The following CAMK1D variants were observed in gnomAD, a reference collection of about 807,000 sequenced individuals.
The protein encoded by CAMK1D is calcium/calmodulin dependent protein kinase ID, also known as calcium/calmodulin-dependent protein kinase type 1D.
In CAMK1D, 9 loss-of-function variants were observed where a neutral mutation model predicts 47.7. The ratio of observed to expected loss-of-function variants is 0.19; its 90% CI spans 0.11 to 0.33. The LOEUF (loss-of-function observed/expected upper bound fraction) is 0.33. Among genes scored for constraint, CAMK1D ranks in the 10% least tolerant of loss-of-function variants. The pLI, the probability that CAMK1D is intolerant of heterozygous loss-of-function variation, is 1.00. For missense variants in CAMK1D, 291 were observed against 488.7 expected, an observed-to-expected ratio of 0.60 and a Z score of 3.81; for synonymous variants, 184 against 184.9, an observed-to-expected ratio of 0.99 and a Z score of 0.04.
In CAMK1D at chr10:12,732,402, A is replaced by G. The variant is rs146828379; in HGVS notation, c.300-28546A>G. Among the ~76,000 whole-genome samples, 77 of 152,264 alleles carry G rather than the reference A, an allele frequency of 5.1e-4. No homozygotes were observed. The East Asian group carries it at 0.014, about 27-fold the overall frequency. On this transcript the variant is annotated intron_variant, in intron 3 of 10. Transcript: ENST00000619168. Reference sequence around the variant, plus strand: ...GAAAAATAAGGGACATGATCTGTGTATTATTAGTCCATTTTCACGCTGCTG... The same window carrying G: ...GAAAAATAAGGGACATGATCTGTGTGTTATTAGTCCATTTTCACGCTGCTG...
intron 1 of CAMK1D, among the ~76,000 whole-genome samples, chr10:12,376,776 CAG>C: frequency 6.7e-6 from 1 of 148,224 alleles, no homozygotes; most frequent in South Asian, 2.1e-4. Context: ...TTTTTTGAGA[CAG>C]AGTCTTGCTC....
intron 3 of CAMK1D, among the ~76,000 whole-genome samples, chr10:12,699,296 G>C (rs146930105): frequency 6.6e-6 from 1 of 152,110 alleles, no homozygotes; most frequent in Non-Finnish European, 1.5e-5. Context: ...GCTGTTGACC[G>C]GTCTGCTTTT....
At chr10:12,662,637 G>A (rs1188555233) in intron 2 of CAMK1D, among the ~76,000 whole-genome samples, 1 of 116,166 alleles carries the variant, frequency 8.6e-6, no homozygotes, top group African/African-American at 3.0e-5. Flanking sequence ...CGGAGACAGA[G>A]CAACACTCTG....
chr10:12,390,699 G>A (rs898066271), intron 1 of CAMK1D, among the ~76,000 whole-genome samples: 60 of 152,268 alleles, frequency 3.9e-4, no homozygotes, highest in African/African-American at 1.4e-3. Context: ...GTCATGTCAC[G>A]TGGGAGCAGA....
intron 1 of CAMK1D, among the ~76,000 whole-genome samples, chr10:12,511,834 G>A (rs1477690786): frequency 2.0e-5 from 3 of 152,330 alleles, no homozygotes; most frequent in South Asian, 2.1e-4. Context: ...TGATCATGAC[G>A]ATGAATGTAT....
intron 2 of CAMK1D, among the ~76,000 whole-genome samples, chr10:12,648,667 C>T (rs530637472): frequency 2.0e-5 from 3 of 152,164 alleles, no homozygotes; most frequent in East Asian, 1.9e-4. Context: ...GGTGGGGTTT[C>T]GCTATCTTGG....
chr10:12,618,725 AAG>A (rs1296819152), intron 2 of CAMK1D, among the ~76,000 whole-genome samples: 3 of 152,208 alleles, frequency 2.0e-5, no homozygotes, highest in Admixed American at 1.3e-4. Context: ...GGGAAAAAAA[AAG>A]AGACTCTTCT....
chr10:12,619,205 A>G (rs905576638), intron 2 of CAMK1D, among the ~76,000 whole-genome samples: 3 of 152,206 alleles, frequency 2.0e-5, no homozygotes, highest in Non-Finnish European at 1.5e-5. Context: ...CAGTAATCCC[A>G]TAAAGCTGGC....
At chr10:12,822,260 G>C (rs1833042083) in intron 8 of CAMK1D, among the ~76,000 whole-genome samples, 1 of 152,176 alleles carries the variant, frequency 6.6e-6, no homozygotes, top group Non-Finnish European at 1.5e-5. Context: ...TACTTGGGGA[G>C]GGCCACGGTG....
chr10:12,695,216 A>G (rs1833235907), intron 3 of CAMK1D, among the ~76,000 whole-genome samples: 1 of 152,224 alleles, frequency 6.6e-6, no homozygotes, highest in African/African-American at 2.4e-5. Flanking sequence ...AGATCCCATT[A>G]AAGTACATGG....
chr10:12,449,903 G>A (rs1186090068), intron 1 of CAMK1D, among the ~76,000 whole-genome samples: 1 of 152,166 alleles, frequency 6.6e-6, no homozygotes, highest in African/African-American at 2.4e-5. Flanking sequence ...GGAGGCTGAG[G>A]TGGGAGAATC....
chr10:12,506,594 C>T (rs987070852), intron 1 of CAMK1D, among the ~76,000 whole-genome samples: 10 of 152,116 alleles, frequency 6.6e-5, no homozygotes, highest in Admixed American at 2.6e-4. Context: ...TCTCAGCTCA[C>T]TGCAGTCTCC....
At chr10:12,436,517 C>T (rs1227753938) in intron 1 of CAMK1D, among the ~76,000 whole-genome samples, 6 of 152,226 alleles carry the variant, frequency 3.9e-5, no homozygotes, top group African/African-American at 1.4e-4. Context: ...CTTTTGACTT[C>T]TGTGGGGTTT....
At chr10:12,782,972 G>A (rs954421620) in intron 5 of CAMK1D, among the ~76,000 whole-genome samples, 1 of 149,688 alleles carries the variant, frequency 6.7e-6, no homozygotes, top group East Asian at 2.0e-4. Context: ...AGTAAATTCA[G>A]TATTTTCAGT....
At chr10:12,361,220 A>G (rs550377475) in intron 1 of CAMK1D, among the ~76,000 whole-genome samples, 2 of 149,420 alleles carry the variant, frequency 1.3e-5, no homozygotes, top group East Asian at 2.0e-4. Flanking sequence ...TGACAAATGG[A>G]TATAATAACA....
chr10:12,639,301 A>G (rs1022894850), intron 2 of CAMK1D, among the ~76,000 whole-genome samples: 7 of 152,244 alleles, frequency 4.6e-5, no homozygotes, highest in African/African-American at 1.7e-4. Context: ...CCTGATCAAC[A>G]TGGTGAAACC....
chr10:12,553,093 A>G, intron 1 of CAMK1D, 132 bp from the exon 2 acceptor site: 2 of 1,519,464 alleles, frequency 1.3e-6, no homozygotes, highest in Non-Finnish European at 8.8e-7. Flanking sequence ...GCCACGGTGG[A>G]TAAAAGTAAC....
At chr10:12,498,017 T>G (rs1834593389) in intron 1 of CAMK1D, among the ~76,000 whole-genome samples, 1 of 152,190 alleles carries the variant, frequency 6.6e-6, no homozygotes, top group Non-Finnish European at 1.5e-5. Flanking sequence ...CTGCCCTGTA[T>G]AAAACCATCA....
At chr10:12,676,046 G>A (rs375093286) in intron 3 of CAMK1D, among the ~76,000 whole-genome samples, 41 of 152,090 alleles carry the variant, frequency 2.7e-4, no homozygotes, top group East Asian at 1.7e-3. Context: ...TCTGCCTCCC[G>A]GGTTCAAGCG....
Sources: gnomAD v4.1 joint callset for allele counts (sites outside exome capture counted in the v4.1 genomes callset) on GRCh38, gnomAD v4.1.1 for gene constraint, MANE v1.5 for transcripts, NCBI Gene and HGNC (gene_info 2026-07-23, HGNC 2026-07-21) for gene names.